UBE2K: variants seen among roughly 807,000 people sequenced by gnomAD.
UBE2K encodes the protein ubiquitin-conjugating enzyme E2 K.
A neutral mutation model predicts 30.0 loss-of-function variants in UBE2K; 6 were observed. The ratio of observed to expected loss-of-function variants is 0.20; its 90% CI spans 0.11 to 0.39. The LOEUF is 0.39. Among genes scored for constraint, UBE2K ranks in the 10% least tolerant of loss-of-function variants. The probability of loss-of-function intolerance (pLI) is 1.00; values close to 1 mark genes in which losing one functional copy is unlikely to be tolerated. For missense variants in UBE2K, 61 were observed against 241.6 expected (o/e 0.25, Z 4.96); for synonymous variants, 86 against 83.7 (o/e 1.03, Z -0.15).
chr4:39,718,113 C>T lies in UBE2K; in HGVS notation c.64-19307C>T, dbSNP rs180963931. Among the ~76,000 whole-genome samples the T allele has an allele frequency of 5.2e-4, 79 of 152,266 alleles. No homozygotes were observed. In the East Asian group the frequency reaches 0.015, roughly 29 times the overall value. ...GGCTCAGGCAGCCTGTTTTTATTCT[C>T]TTATCTGGCCCCACGCACATCCTGC... On this transcript the variant is annotated intron_variant, in intron 1 of 6. Transcript: ENST00000261427.
chr4:39,770,067 C>T, intron 4 of UBE2K: 1 of 1,531,076 alleles, frequency 6.5e-7, no homozygotes, highest in Non-Finnish European at 8.8e-7. Context: ...CTCCGGGCCT[C>T]CACGCCTGCG....
rs1397676653 is a variant in UBE2K at position 39,771,283 on chromosome 4, G to T, written c.300-3551G>T. On this transcript the variant is annotated intron_variant, in intron 4 of 6. Transcript: ENST00000261427. Reference sequence around the variant, plus strand: ...GTCCCGCAGGAACGGTGAGCAGGCGGCTAAGATGACCTTGTGGCCTCGAAA... The same window carrying T: ...GTCCCGCAGGAACGGTGAGCAGGCGTCTAAGATGACCTTGTGGCCTCGAAA... 1.1e-5 allele frequency: 18 copies of T among 1,611,534 alleles called. No homozygotes were observed. In the African/African-American group the frequency reaches 1.2e-4, roughly 11 times the overall value.
chr4:39,749,669 A>G (rs1382020915), intron 3 of UBE2K, among the ~76,000 whole-genome samples: 1 of 150,452 alleles, frequency 6.6e-6, no homozygotes, highest in African/African-American at 2.4e-5. Context: ...AGAGAGTAAG[A>G]CTCTGTCTCA....
intron 1 of UBE2K, among the ~76,000 whole-genome samples, chr4:39,730,386 A>G (rs940707493): frequency 1.3e-5 from 2 of 152,006 alleles, no homozygotes; most frequent in African/African-American, 2.4e-5. Flanking sequence ...GAGTTTCACT[A>G]TATGGCCCAG....
intron 1 of UBE2K, among the ~76,000 whole-genome samples, chr4:39,721,155 ATCT>A (rs1284457766): frequency 2.6e-5 from 4 of 152,148 alleles, no homozygotes; most frequent in Admixed American, 1.3e-4. Flanking sequence ...AGGCTAGGAA[ATCT>A]TCTTTAGTTG....
chr4:39,717,860 G>A (rs980455842), intron 1 of UBE2K, among the ~76,000 whole-genome samples: 3 of 147,412 alleles, frequency 2.0e-5, no homozygotes, highest in East Asian at 1.9e-4. Context: ...AGACCTTCGC[G>A]GTGAGTGTTA....
At chr4:39,734,699 C>T (rs184378434) in intron 1 of UBE2K, among the ~76,000 whole-genome samples, 178 of 152,172 alleles carry the variant, frequency 1.2e-3, no homozygotes, top group Middle Eastern at 3.4e-3. Flanking sequence ...CTCGTCCCAG[C>T]GACTGGTTAG....
At position 39,782,421 on chromosome 4, in the gene UBE2K, T is replaced by C. The variant is rs1713668523; in HGVS notation, c.*3987T>C. 6.5e-6 allele frequency: 1 copy of C among 152,752 alleles called. No individual in the cohort carries two copies. The highest frequency in any genetic ancestry group is 1.5e-5 in the Non-Finnish European group (1 of 68,424). The allele number at this position is 152,752 out of a possible 1,614,324, so 9.5% of individuals were successfully genotyped here. Reference sequence around the variant, plus strand: ...TTGAAAATAATATCTATTTTTTAGCTTTCAGCAATTGATGGTGCTTTGTTG... The same window carrying C: ...TTGAAAATAATATCTATTTTTTAGCCTTCAGCAATTGATGGTGCTTTGTTG... On this transcript the variant is annotated 3_prime_UTR_variant, in exon 7 of 7. Coordinates refer to ENST00000261427, the MANE Select transcript of UBE2K (RefSeq NM_005339.5).
rs149306708 is a variant in UBE2K at position 39,734,032 on chromosome 4, T to A, written c.64-3388T>A. Among the ~76,000 whole-genome samples, 805 of 152,176 alleles carry A rather than the reference T, an allele frequency of 5.3e-3. 10 individuals are homozygous for A. Among genetic ancestry groups the A allele is most frequent in the African/African-American group, 0.018 (745 of 41,530 alleles). On this transcript the variant is annotated intron_variant, in intron 1 of 6. Transcript: ENST00000261427. ...TGATGGAAAATTGAGCTGTGAAAAA[T>A]TTTTGGCTTAACTTTGTTTTCTTTT...
chr4:39,724,371 C>T (rs1329676866), intron 1 of UBE2K, among the ~76,000 whole-genome samples: 1 of 151,894 alleles, frequency 6.6e-6, no homozygotes, highest in East Asian at 1.9e-4. Context: ...TCCCAAAGTG[C>T]TGGGATTACA....
chr4:39,750,421 T>A (rs1011059472), intron 3 of UBE2K, among the ~76,000 whole-genome samples: 1 of 152,234 alleles, frequency 6.6e-6, no homozygotes, highest in Non-Finnish European at 1.5e-5. Flanking sequence ...CATTTCTGTC[T>A]GGGAACATTG....
At chr4:39,707,381 A>G (rs539595374) in intron 1 of UBE2K, among the ~76,000 whole-genome samples, 2 of 150,088 alleles carry the variant, frequency 1.3e-5, no homozygotes, top group Admixed American at 6.6e-5. Flanking sequence ...TAATTTTCCT[A>G]TTTTTAGTAG....
At chr4:39,773,912 C>G (rs1713108912) in intron 4 of UBE2K, among the ~76,000 whole-genome samples, 1 of 151,802 alleles carries the variant, frequency 6.6e-6, no homozygotes, top group African/African-American at 2.4e-5. Flanking sequence ...CAGAGTGAGA[C>G]TCCGCCTCAA....
At chr4:39,723,651 A>G (rs1234987594) in intron 1 of UBE2K, among the ~76,000 whole-genome samples, 1 of 152,172 alleles carries the variant, frequency 6.6e-6, no homozygotes, top group Non-Finnish European at 1.5e-5. Flanking sequence ...TACAGGCGTG[A>G]GCCACTGCAC....
intron 4 of UBE2K, chr4:39,770,027 C>T (rs1712664360): frequency 7.0e-7 from 1 of 1,429,198 alleles, no homozygotes; most frequent in Non-Finnish European, 9.4e-7. Context: ...GCCAAAGAGC[C>T]CTTTCCCCAC....
At chr4:39,758,876 A>G (rs1482272404) in intron 4 of UBE2K, among the ~76,000 whole-genome samples, 1 of 152,200 alleles carries the variant, frequency 6.6e-6, no homozygotes, top group Admixed American at 6.6e-5. Flanking sequence ...TATGATGTGC[A>G]GGAACAAAAC....
chr4:39,704,622 C>G (rs1028239281), intron 1 of UBE2K, among the ~76,000 whole-genome samples: 9 of 152,062 alleles, frequency 5.9e-5, no homozygotes, highest in African/African-American at 1.9e-4. Context: ...TCACTGCAGC[C>G]TTGAACTCCC....
At chr4:39,719,855 A>G (rs920218809) in intron 1 of UBE2K, among the ~76,000 whole-genome samples, 2 of 152,202 alleles carry the variant, frequency 1.3e-5, no homozygotes, top group African/African-American at 4.8e-5. Flanking sequence ...AGTTATTTCC[A>G]GTTTCTTGAT....
chr4:39,757,629 C>T (rs1479779177), intron 4 of UBE2K, among the ~76,000 whole-genome samples: 1 of 152,034 alleles, frequency 6.6e-6, no homozygotes, highest in East Asian at 1.9e-4. Context: ...TACTTTTTAT[C>T]TTCTCTGTTA....
Sources: gnomAD v4.1 joint callset for allele counts (sites outside exome capture counted in the v4.1 genomes callset) on GRCh38, gnomAD v4.1.1 for gene constraint, MANE v1.5 for transcripts, NCBI Gene and HGNC (gene_info 2026-07-23, HGNC 2026-07-21) for gene names.